Variants in TYW1 observed in about 807,000 individuals in gnomAD.
TYW1 encodes tRNA-yW synthesizing protein 1 homolog, also known as S-adenosyl-L-methionine-dependent tRNA 4-demethylwyosine synthase TYW1.
Under a neutral mutation model 96.2 loss-of-function variants are expected in TYW1, and 46 were observed. That is an observed-to-expected ratio of 0.48 (90% CI 0.38 to 0.61). The LOEUF (loss-of-function observed/expected upper bound fraction) is 0.61, where lower values mean the gene tolerates loss of function less well. Ranked by LOEUF, TYW1 falls within the 20% of genes least tolerant of loss-of-function variation. TYW1 has a pLI of 0.00. For synonymous variants in TYW1, 274 were observed against 323.0 expected (o/e 0.85, Z 1.63); for missense variants, 684 against 909.6 (o/e 0.75, Z 3.19).
chr7:67,050,454 G>T (rs1200679085), intron 8 of TYW1, among the ~76,000 whole-genome samples: 5 of 152,168 alleles, frequency 3.3e-5, no homozygotes, highest in South Asian at 2.1e-4. Flanking sequence ...GCATGAATGA[G>T]TAATAATATT....
chr7:67,029,338 A>C (rs1196401435), intron 7 of TYW1, among the ~76,000 whole-genome samples: 1 of 124,676 alleles, frequency 8.0e-6, no homozygotes, highest in Non-Finnish European at 1.7e-5. Context: ...GATTTAAAAA[A>C]ATGTGCATTT....
chr7:67,114,163 A>G (rs1797517748), intron 12 of TYW1, among the ~76,000 whole-genome samples: 2 of 152,006 alleles, frequency 1.3e-5, no homozygotes, highest in African/African-American at 2.4e-5. Context: ...CTCCTGAGCT[A>G]TTTGGCTTGA....
chr7:67,131,485 C>T (rs1199529060), intron 13 of TYW1, among the ~76,000 whole-genome samples: 1 of 152,070 alleles, frequency 6.6e-6, no homozygotes, highest in Non-Finnish European at 1.5e-5. Context: ...ACTTCTTTTC[C>T]TTCTCTTTCT....
intron 12 of TYW1, among the ~76,000 whole-genome samples, chr7:67,103,321 A>G (rs1797146811): frequency 6.6e-6 from 1 of 152,228 alleles, no homozygotes; most frequent in Non-Finnish European, 1.5e-5. Context: ...TCCAAATGTT[A>G]GGAAGTCCTA....
At chr7:67,104,500 C>T (rs1432838699) in intron 12 of TYW1, among the ~76,000 whole-genome samples, 4 of 152,210 alleles carry the variant, frequency 2.6e-5, no homozygotes, top group African/African-American at 7.2e-5. Context: ...CCAGCCATCT[C>T]CCACCAGGCC....
At chr7:67,081,005 C>T (rs1584536824) in intron 10 of TYW1, among the ~76,000 whole-genome samples, 2 of 63,770 alleles carry the variant, frequency 3.1e-5, no homozygotes, top group Admixed American at 1.8e-4. Flanking sequence ...ACATTTGAAT[C>T]CTTTTTTTTT....
intron 2 of TYW1, 113 bp from the exon 3 acceptor site, chr7:66,998,704 T>C (rs1296441545): frequency 8.2e-7 from 1 of 1,220,640 alleles, no homozygotes; most frequent in Non-Finnish European, 1.2e-6. Flanking sequence ...AAATACAGTG[T>C]GTCAGATTAA....
intron 15 of TYW1, among the ~76,000 whole-genome samples, chr7:67,199,545 T>A (rs1161664515): frequency 6.6e-6 from 1 of 152,230 alleles, no homozygotes; most frequent in Non-Finnish European, 1.5e-5. Flanking sequence ...TTATTGATTG[T>A]AAAATAGTGA....
chr7:67,162,081 G>A (rs1799178874), intron 13 of TYW1, among the ~76,000 whole-genome samples: 1 of 152,088 alleles, frequency 6.6e-6, no homozygotes, highest in South Asian at 2.1e-4. Context: ...CGGATCACAA[G>A]TTCAGGAGAT....
intron 11 of TYW1, among the ~76,000 whole-genome samples, chr7:67,093,012 A>C (rs1344844104): frequency 6.6e-6 from 1 of 152,082 alleles, no homozygotes; most frequent in Non-Finnish European, 1.5e-5. Context: ...AAAATTTAAA[A>C]AAAAATTAGC....
intron 13 of TYW1, among the ~76,000 whole-genome samples, chr7:67,160,518 A>G (rs1429431415): frequency 1.4e-5 from 2 of 138,722 alleles, no homozygotes; most frequent in Non-Finnish European, 1.6e-5. Context: ...GACTTAAGGT[A>G]TGTGTATACA....
At chr7:67,039,846 A>G (rs963391510) in intron 7 of TYW1, among the ~76,000 whole-genome samples, 5 of 151,796 alleles carry the variant, frequency 3.3e-5, no homozygotes, top group African/African-American at 4.8e-5. Context: ...TATTTTTAGT[A>G]TAGACGGGGT....
intron 8 of TYW1, among the ~76,000 whole-genome samples, chr7:67,054,827 G>C (rs1162576765): frequency 2.0e-5 from 3 of 152,148 alleles, no homozygotes; most frequent in Non-Finnish European, 2.9e-5. Context: ...TGTACTACTA[G>C]TTTGTTTAAA....
At chr7:67,232,335 C>T (rs959204015) in intron 15 of TYW1, among the ~76,000 whole-genome samples, 5 of 149,604 alleles carry the variant, frequency 3.3e-5, no homozygotes, top group Admixed American at 2.0e-4. Context: ...GAATGGGAGA[C>T]TAAAGACCAG....
chr7:67,019,275 C>T (rs1020309899), intron 6 of TYW1, among the ~76,000 whole-genome samples: 2 of 152,270 alleles, frequency 1.3e-5, no homozygotes, highest in African/African-American at 4.8e-5. Context: ...ATACTCATTT[C>T]CTCCCCAACC....
chr7:67,068,024 CTT>C (rs562212918), intron 10 of TYW1, among the ~76,000 whole-genome samples: 13 of 140,840 alleles, frequency 9.2e-5, no homozygotes, highest in Middle Eastern at 3.7e-3. Context: ...TTTTTCTTTT[CTT>C]TTTTTTTTTT....
intron 15 of TYW1, among the ~76,000 whole-genome samples, chr7:67,210,989 C>G (rs1239961703): frequency 6.6e-6 from 1 of 151,002 alleles, no homozygotes; most frequent in Non-Finnish European, 1.5e-5. Flanking sequence ...GCCTGTCTGT[C>G]TATGTGTCTA....
At chr7:67,108,091 G>C (rs1797295438) in intron 12 of TYW1, among the ~76,000 whole-genome samples, 1 of 151,994 alleles carries the variant, frequency 6.6e-6, no homozygotes, top group Non-Finnish European at 1.5e-5. Context: ...TGGCCAGGCT[G>C]GTCTCAAATG....
chr7:67,050,128 T>G, intron 8 of TYW1, 62 bp downstream of exon 8: 2 of 1,570,004 alleles, frequency 1.3e-6, no homozygotes, highest in East Asian at 4.5e-5. Flanking sequence ...ATTTGATACC[T>G]GGAATGAAGT....
Sources: allele counts gnomAD v4.1 joint callset (sites outside exome capture counted in the v4.1 genomes callset), GRCh38; gene constraint gnomAD v4.1.1; transcripts MANE v1.5; gene names NCBI Gene and HGNC (gene_info 2026-07-23, HGNC 2026-07-21).